Variants in SI observed in about 807,000 individuals in gnomAD.
SI encodes sucrase-isomaltase, also known as sucrase-isomaltase, intestinal.
In SI, 235 loss-of-function variants were observed where a neutral mutation model predicts 253.3. The ratio of observed to expected loss-of-function variants is 0.93; its 90% CI spans 0.83 to 1.03. SI has a LOEUF of 1.03. SI is among the 50% of genes least tolerant of loss of function. The pLI, the probability that SI is intolerant of heterozygous loss-of-function variation, is 0.00. For synonymous variants in SI, 819 were observed against 712.0 expected, an observed-to-expected ratio of 1.15 and a Z score of -2.39; for missense variants, 2,442 against 2,211.1, an observed-to-expected ratio of 1.10 and a Z score of -2.09.
At chr3:165,028,538 T>TTTCAAA (rs1237679279) in intron 25 of SI, among the ~76,000 whole-genome samples, 8 of 151,550 alleles carry the variant, frequency 5.3e-5, no homozygotes, top group African/African-American at 1.7e-4. Flanking sequence ...AATTTCAAAC[T>TTTCAAA]ATACTATAAA....
At chr3:165,060,965 A>T (rs1370077174) in intron 9 of SI, among the ~76,000 whole-genome samples, 1 of 150,676 alleles carries the variant, frequency 6.6e-6, no homozygotes, top group Non-Finnish European at 1.5e-5. Flanking sequence ...ATGTTGGGTT[A>T]TTGTTTTCTA....
chr3:164,981,526 A>G (rs1717192121), intron 47 of SI, among the ~76,000 whole-genome samples: 1 of 152,116 alleles, frequency 6.6e-6, no homozygotes, highest in South Asian at 2.1e-4. Flanking sequence ...TTAAACGATT[A>G]AGGGTGGGTG....
At position 165,006,827 on chromosome 3, in the gene SI, T is replaced by C; in HGVS notation, c.4395A>G (p.Lys1465=). 1 of 1,612,640 alleles carries C rather than the reference T, an allele frequency of 6.2e-7. No homozygotes were observed. Among genetic ancestry groups the C allele is most frequent in the South Asian group, 1.1e-5 (1 of 91,048 alleles). Residue 1465 remains lysine (K), a synonymous_variant, in exon 37 of 48, where the codon AAA becomes AAG. Transcript: ENST00000264382. ...AGAACATTGCTTACTCATGAGTAGG[T>C]TTCATCTGTGACCATCCATAGAGAT... ...VHNLYGWSQM[K]PTHDALQKTT...
In SI at chr3:165,017,601, T is replaced by A; in HGVS notation, c.3706A>T (p.Thr1236Ser). The A allele has an allele frequency of 6.2e-7, 1 of 1,612,804 alleles. No individual in the cohort carries two copies. Among genetic ancestry groups the A allele is most frequent in the Non-Finnish European group, 8.5e-7 (1 of 1,179,060 alleles). Residue 1236 changes from threonine to serine, a missense_variant, in exon 31 of 48, where the codon ACT (threonine) becomes TCT (serine). Coordinates refer to ENST00000264382, the MANE Select transcript of SI (RefSeq NM_001041.4). ...FQLCRYGYAN[T>S]SEVRELYDAM... ...TCATATAATTCCCGAACCTCTGAAG[T>A]ATTTGCATATCCATAACGACATAAT...
intron 44 of SI, among the ~76,000 whole-genome samples, chr3:164,988,659 T>C (rs1422244848): frequency 6.6e-6 from 1 of 152,184 alleles, no homozygotes; most frequent in East Asian, 1.9e-4. Context: ...TGTCAGCATG[T>C]ACATCACCAA....
Position 164,990,442 on chromosome 3 carries a change from G to A in SI, c.5108+911C>T, listed in dbSNP as rs149280288. On this transcript the variant is annotated intron_variant, in intron 44 of 47. Transcript: ENST00000264382. ...TTTCATTTATATTTTTATCTGGGAA[G>A]CTTTCTTACTTTAAGAGGGAATATC... Among the ~76,000 whole-genome samples, 272 of 152,158 alleles carry A rather than the reference G, an allele frequency of 1.8e-3. 1 individual carries two copies. The East Asian group carries it at 0.037, about 21-fold the overall frequency.
Position 165,017,885 on chromosome 3 carries a change from A to G in SI, c.3521-12T>C, listed in dbSNP as rs368407936. On this transcript the variant is annotated splice_polypyrimidine_tract_variant and intron_variant, in intron 29 of 47. Coordinates refer to ENST00000264382, the MANE Select transcript of SI (RefSeq NM_001041.4). ...CTGGAATGTAACATCTGGAAATCCA[A>G]AATAACATCCCATTTTCATCTATGT... 1.3e-5 allele frequency: 21 copies of G among 1,601,118 alleles called. No individual in the cohort carries two copies. The African/African-American group carries it at 2.4e-4, about 18-fold the overall frequency.
chr3:165,002,458 TTTCA>T (rs930399451), intron 37 of SI, among the ~76,000 whole-genome samples: 1 of 151,776 alleles, frequency 6.6e-6, no homozygotes, highest in African/African-American at 2.4e-5. Context: ...TTCTTGTTTG[TTTCA>T]TGTTAAGTGA....
At chr3:165,090,141 C>T in the SI span, among the ~76,000 whole-genome samples, 6 of 108,306 alleles carry the variant, frequency 5.5e-5, no homozygotes, top group Non-Finnish European at 7.4e-5. Flanking sequence ...AGAATTACTG[C>T]ATTTATTTAA....
upstream of SI, among the ~76,000 whole-genome samples, chr3:165,081,487 C>T (rs1291085616): frequency 1.3e-5 from 2 of 151,912 alleles, no homozygotes; most frequent in Non-Finnish European, 2.9e-5. Flanking sequence ...TCATGGACGT[C>T]TACAGTAGTT....
chr3:165,019,548 G>C (rs1719200981), intron 28 of SI, 54 bp downstream of exon 28: 3 of 1,522,394 alleles, frequency 2.0e-6, no homozygotes, highest in Non-Finnish European at 2.7e-6. Context: ...AAGTGGCTTG[G>C]ATTCTACTCA....
rs367683519 is a variant in SI, at chr3:165,018,076, G to A, written c.3424-10C>T. 1.8e-5 allele frequency: 26 copies of A among 1,442,738 alleles called. No individual in the cohort carries two copies. Among genetic ancestry groups the A allele is most frequent in the African/African-American group, 1.4e-4 (10 of 71,470 alleles). 89.4% of individuals were successfully genotyped at this position (1,442,738 alleles called of 1,614,324 possible). A position where few individuals can be genotyped will look rare whatever the true frequency, so the allele number is the denominator to read the frequency against. ...AGGAATTAAGTTTGTACTGAAATAC[G>A]AAAAATAAGCACAATATATTTTAAG... On this transcript the variant is annotated splice_polypyrimidine_tract_variant and intron_variant, in intron 28 of 47. Transcript: ENST00000264382.
At chr3:165,031,227 A>G (rs1418396509) in intron 24 of SI, among the ~76,000 whole-genome samples, 2 of 149,786 alleles carry the variant, frequency 1.3e-5, no homozygotes, top group East Asian at 3.9e-4. Flanking sequence ...TTTCATCTGC[A>G]TAGCTTACTT....
At chr3:165,057,070 G>T (rs1713727851) in intron 12 of SI, among the ~76,000 whole-genome samples, 1 of 151,826 alleles carries the variant, frequency 6.6e-6, no homozygotes, top group Non-Finnish European at 1.5e-5. Flanking sequence ...GCTGTTTTGG[G>T]GAAATTCAGT....
chr3:164,986,327 T>C (rs1213317882), intron 45 of SI, among the ~76,000 whole-genome samples: 1 of 152,142 alleles, frequency 6.6e-6, no homozygotes, highest in Non-Finnish European at 1.5e-5. Context: ...CAAAGCTAGC[T>C]ATAAAGCCTA....
rs953874348 is a variant in SI, at chr3:164,994,335, G to C, written c.4763C>G (p.Thr1588Ser). Residue 1588 changes from threonine (T) to serine (S), a missense_variant, in exon 41 of 48, where the codon ACC becomes AGC. By Grantham distance (58) the Thr-to-Ser change is moderately conservative. Transcript: ENST00000264382. ...MSRNILNIRY[T>S]LLPYFYTQMH... is the part of the protein sequence containing the mutation. ...TTGTGTGTAAAAATAGGGCAATAAG[G>C]TGTATCTAATATTTAGAATATTCCT... 6.2e-7 allele frequency: 1 copy of C among 1,610,620 alleles called. No individual in the cohort carries two copies. Among genetic ancestry groups the C allele is most frequent in the African/African-American group, 1.3e-5 (1 of 74,746 alleles).
chr3:165,075,709 A>G (rs535862776), intron 2 of SI, among the ~76,000 whole-genome samples, 186 bp downstream of exon 2: 1 of 152,088 alleles, frequency 6.6e-6, no homozygotes, highest in Non-Finnish European at 1.5e-5. Flanking sequence ...CCTTACTTAC[A>G]ATAGCTCATC....
chr3:165,043,120 C>T lies in SI; in HGVS notation c.1943G>A (p.Arg648Lys), dbSNP rs375458342. Residue 648 changes from arginine (R) to lysine (K), a missense_variant, in exon 17 of 48, where the codon AGA (arginine) becomes AAA (lysine). By Grantham distance (26) the Arg-to-Lys change is conservative. Transcript: ENST00000264382. The stretch of plus-strand genomic sequence containing the variant: ...ATAAAATGCCCCAAGTTGCATCCAT[C>T]TTCTGCAAAGTTCTTCTGTGGTTTC... The part of the protein sequence containing the change: ...VAETTEELCR[R>K]WMQLGAFYPF... 4.7e-5 allele frequency: 76 copies of T among 1,612,632 alleles called. No homozygotes were observed. The highest frequency in any genetic ancestry group is 5.6e-5 in the Non-Finnish European group (66 of 1,179,240).
At chr3:164,988,022 T>C (rs573449701) in intron 44 of SI, among the ~76,000 whole-genome samples, 1 of 152,168 alleles carries the variant, frequency 6.6e-6, no homozygotes, top group Non-Finnish European at 1.5e-5. Context: ...TCTATCTCTG[T>C]AATAGAGAAT....
Sources: gnomAD v4.1 joint callset for allele counts (sites outside exome capture counted in the v4.1 genomes callset) on GRCh38, gnomAD v4.1.1 for gene constraint, MANE v1.5 for transcripts, NCBI Gene and HGNC (gene_info 2026-07-23, HGNC 2026-07-21) for gene names.